Variants in RGL1 observed in about 807,000 individuals in gnomAD.
RGL1 encodes ral guanine nucleotide dissociation stimulator like 1, also known as ral guanine nucleotide dissociation stimulator-like 1.
A neutral mutation model predicts 95.2 loss-of-function variants in RGL1; 24 were observed. The observed-to-expected ratio is 0.25, with a 90% CI of 0.18 to 0.35. The LOEUF is 0.35. Among genes scored for constraint, RGL1 ranks in the 10% least tolerant of loss-of-function variants. RGL1 has a pLI of 1.00. For missense variants in RGL1, 715 were observed against 936.3 expected (o/e 0.76, Z 3.08); for synonymous variants, 329 against 344.9 (o/e 0.95, Z 0.51).
chr1:183,819,784 CT>C (rs35090355), intron 2 of RGL1, among the ~76,000 whole-genome samples: 40,016 of 142,512 alleles, frequency 0.28, 6,236 homozygotes, highest in South Asian at 0.51. Context: ...CAACATTATA[CT>C]TTTTTTTTTT....
chr1:183,645,329 T>TA (rs1315475188), intron 1 of RGL1, among the ~76,000 whole-genome samples: 1 of 152,242 alleles, frequency 6.6e-6, no homozygotes, highest in East Asian at 1.9e-4. Flanking sequence ...CTGTACTTAC[T>TA]AAGTAGGTAG....
chr1:183,866,710 G>A (rs774688155), intron 4 of RGL1, among the ~76,000 whole-genome samples: 18 of 152,174 alleles, frequency 1.2e-4, no homozygotes, highest in Middle Eastern at 3.2e-3. Context: ...GATAAGAAGC[G>A]CTTAGAAGGT....
At chr1:183,711,741 A>G (rs1277820482) in intron 1 of RGL1, among the ~76,000 whole-genome samples, 1 of 151,976 alleles carries the variant, frequency 6.6e-6, no homozygotes, top group Non-Finnish European at 1.5e-5. Flanking sequence ...GCCATAACTC[A>G]TTAAGTTTCT....
intron 3 of RGL1, among the ~76,000 whole-genome samples, chr1:183,849,832 T>C (rs910433724): frequency 1.3e-5 from 2 of 152,176 alleles, no homozygotes; most frequent in African/African-American, 4.8e-5. Context: ...AGGAGCATTT[T>C]TGAATATATA....
intron 2 of RGL1, among the ~76,000 whole-genome samples, chr1:183,780,530 C>G (rs892284157): frequency 2.6e-5 from 4 of 152,088 alleles, no homozygotes; most frequent in Admixed American, 6.5e-5. Context: ...GCACTGAATG[C>G]TTGGATGGTG....
chr1:183,888,612 G>C (rs749878565), intron 8 of RGL1, 35 bp downstream of exon 8: 23 of 1,384,844 alleles, frequency 1.7e-5, no homozygotes, highest in Middle Eastern at 3.5e-4. Flanking sequence ...CTTTTCTTTG[G>C]CCGGGATAAT....
At chr1:183,835,707 G>GAGATAATAATA (rs1334622788) in intron 2 of RGL1, among the ~76,000 whole-genome samples, 1 of 152,210 alleles carries the variant, frequency 6.6e-6, no homozygotes, top group Non-Finnish European at 1.5e-5. Flanking sequence ...GATAATACCA[G>GAGATAATAATA]ATGTAATCAG....
At chr1:183,863,072 G>T (rs1665610303) in intron 3 of RGL1, among the ~76,000 whole-genome samples, 1 of 152,204 alleles carries the variant, frequency 6.6e-6, no homozygotes. Flanking sequence ...CTTGGCACAG[G>T]TGTGGGAGGA....
chr1:183,842,741 T>G (rs140245631), intron 2 of RGL1, among the ~76,000 whole-genome samples: 1 of 152,354 alleles, frequency 6.6e-6, no homozygotes, highest in East Asian at 1.9e-4. Context: ...CCTCCGTGTC[T>G]TGCTTTCTAA....
At chr1:183,700,721 T>A (rs1654543308) in intron 1 of RGL1, among the ~76,000 whole-genome samples, 3 of 152,252 alleles carry the variant, frequency 2.0e-5, no homozygotes, top group South Asian at 2.1e-4. Context: ...AATTTTTGTA[T>A]TTTTAGAAGA....
At chr1:183,907,599 T>C (rs1668412298) in intron 14 of RGL1, among the ~76,000 whole-genome samples, 1 of 152,202 alleles carries the variant, frequency 6.6e-6, no homozygotes, top group Admixed American at 6.5e-5. Context: ...TGAAATGCTC[T>C]TTCTTCATGA....
At chr1:183,772,593 T>C (rs1290122015) in intron 2 of RGL1, among the ~76,000 whole-genome samples, 2 of 152,208 alleles carry the variant, frequency 1.3e-5, no homozygotes, top group Non-Finnish European at 2.9e-5. Flanking sequence ...GAAAGTTACC[T>C]GCTTTACTTG....
chr1:183,808,035 A>G (rs926693621), intron 2 of RGL1, among the ~76,000 whole-genome samples: 4 of 152,164 alleles, frequency 2.6e-5, no homozygotes, highest in African/African-American at 9.7e-5. Flanking sequence ...TTTTGGTATC[A>G]GGTTATTCCT....
intron 2 of RGL1, among the ~76,000 whole-genome samples, chr1:183,829,977 T>C (rs1435720945): frequency 2.0e-5 from 3 of 152,208 alleles, no homozygotes. Flanking sequence ...TCTTCTCTGC[T>C]TGAATGTTGG....
intron 16 of RGL1, among the ~76,000 whole-genome samples, chr1:183,918,490 A>G (rs1669121023): frequency 6.6e-6 from 1 of 152,252 alleles, no homozygotes; most frequent in Non-Finnish European, 1.5e-5. Context: ...TCTCTGAATT[A>G]TAGCATGGAT....
chr1:183,828,943 T>C (rs183259702), intron 2 of RGL1, among the ~76,000 whole-genome samples: 116 of 152,318 alleles, frequency 7.6e-4, no homozygotes, highest in African/African-American at 2.1e-3. Flanking sequence ...CTGTGCTCAG[T>C]AGAAGCAGAT....
chr1:183,776,033 C>A (rs1179636156), intron 2 of RGL1, among the ~76,000 whole-genome samples: 1 of 152,058 alleles, frequency 6.6e-6, no homozygotes, highest in East Asian at 1.9e-4. Context: ...TGATTCCTAC[C>A]TTTATAAATA....
At chr1:183,668,125 A>G (rs1652174215) in intron 1 of RGL1, among the ~76,000 whole-genome samples, 1 of 152,124 alleles carries the variant, frequency 6.6e-6, no homozygotes, top group Non-Finnish European at 1.5e-5. Flanking sequence ...TTTACCCTTT[A>G]CGTATTCATT....
intron 1 of RGL1, among the ~76,000 whole-genome samples, chr1:183,734,963 G>GT (rs1447072615): frequency 6.6e-6 from 1 of 152,192 alleles, no homozygotes; most frequent in Non-Finnish European, 1.5e-5. Context: ...TTTTCCTTGT[G>GT]TTGGCCCTCT....
Sources: allele counts gnomAD v4.1 joint callset (sites outside exome capture counted in the v4.1 genomes callset), GRCh38; gene constraint gnomAD v4.1.1; transcripts MANE v1.5; gene names NCBI Gene and HGNC (gene_info 2026-07-23, HGNC 2026-07-21).